The following FHL1 variants were observed in gnomAD, a reference collection of about 807,000 sequenced individuals.
The protein encoded by FHL1 is four and a half LIM domains 1.
In FHL1, 1 loss-of-function variant was observed where a neutral mutation model predicts 20.3. The ratio of observed to expected loss-of-function variants is 0.05; its 90% CI spans 0.02 to 0.23. FHL1 has a LOEUF of 0.23. Ranked by LOEUF, FHL1 falls within the 10% of genes least tolerant of loss-of-function variation. FHL1 has a pLI of 1.00. For synonymous variants in FHL1, 82 were observed against 88.9 expected (o/e 0.92, Z 0.44); for missense variants, 177 against 234.0 (o/e 0.76, Z 1.59).
chrX:136,206,582 C>T lies in FHL1; in HGVS notation c.198C>T (p.Asp66=). Residue 66 remains aspartate, a synonymous_variant, in exon 2 of 6, where the codon GAC becomes GAT. Transcript: ENST00000370683. ...AATGCCGCAAGCCCATCGGTGCGGA[C>T]TCCAAGGTAACGGGCATCCCCATGT... ...CVECRKPIGA[D]SKEVHYKNRF... 2 of 1,212,555 alleles carry T rather than the reference C, an allele frequency of 1.6e-6. No homozygotes were observed. The highest frequency in any genetic ancestry group is 1.7e-5 in the African/African-American group (1 of 58,048).
In FHL1 at chrX:136,186,879, T is replaced by TAG. The variant is rs1459729228; in HGVS notation, c.-27+16900_-27+16901insGA. ...AAAAAAAAAAAAATATATATATATA[T>TAG]ATAGATAGATAGATAGATAGATAGA... is the stretch of plus-strand genomic sequence containing the variant. On this transcript the variant is annotated intron_variant, in intron 2 of 6. Transcript: ENST00000394153. Among the ~76,000 whole-genome samples, 172 of 67,343 alleles carry TAG rather than the reference T, an allele frequency of 2.6e-3. 1 individual carries two copies. The highest frequency in any genetic ancestry group is 9.1e-3 in the African/African-American group (160 of 17,540). The allele number at this position is 67,343 out of a possible 115,157, so 58.5% of individuals were successfully genotyped here. A position where few individuals can be genotyped will look rare whatever the true frequency, so the allele number is the denominator to read the frequency against.
At chrX:136,161,348 T>G (rs180968667) in intron 1 of FHL1, among the ~76,000 whole-genome samples, 204 of 111,845 alleles carry the variant, frequency 1.8e-3, no homozygotes, top group African/African-American at 6.4e-3. Flanking sequence ...AGCCTCAGCA[T>G]GAAAATAATT....
chrX:136,164,468 C>T (rs1416989560), intron 1 of FHL1, among the ~76,000 whole-genome samples: 2 of 111,339 alleles, frequency 1.8e-5, no homozygotes, highest in Non-Finnish European at 3.8e-5. Context: ...CATCACTGCT[C>T]CTTGCCTCTA....
At position 136,210,646 on chromosome X, in the gene FHL1, G is replaced by A. The variant is rs753204844; in HGVS notation, c.*621G>A. On this transcript the variant is annotated 3_prime_UTR_variant, in exon 6 of 6. Coordinates refer to ENST00000370683, the MANE Select transcript of FHL1 (RefSeq NM_001159699.2). ...CCCCGTACTAACGTTTGGTTTCCCC[G>A]TGTGGCATGTTTTCTGAGCGTTCCT... 1.2e-4 allele frequency: 45 copies of A among 388,201 alleles called. No homozygotes were observed. Among genetic ancestry groups the A allele is most frequent in the South Asian group, 2.8e-4 (11 of 38,819 alleles). The allele number at this position is 388,201 out of a possible 1,213,427, so 32.0% of individuals were successfully genotyped here.
At chrX:136,187,961 C>G (rs2073349367) in intron 2 of FHL1, among the ~76,000 whole-genome samples, 1 of 111,887 alleles carries the variant, frequency 8.9e-6, no homozygotes, top group South Asian at 3.8e-4. Flanking sequence ...TCCCAAAGCA[C>G]AGGCATGTAA....
chrX:136,201,905 G>A (rs1207886412), intron 1 of FHL1, among the ~76,000 whole-genome samples: 1 of 112,206 alleles, frequency 8.9e-6, no homozygotes, highest in Admixed American at 9.4e-5. Context: ...TCCCATTCCC[G>A]GATAACAGCA....
chrX:136,189,191 A>G (rs1021670607), intron 2 of FHL1, among the ~76,000 whole-genome samples: 1 of 111,564 alleles, frequency 9.0e-6, no homozygotes, highest in Middle Eastern at 4.2e-3. Flanking sequence ...TGTAGGGAAG[A>G]CCCTCTGCAG....
chrX:136,174,576 C>T (rs999008235), intron 2 of FHL1, among the ~76,000 whole-genome samples: 1 of 111,702 alleles, frequency 9.0e-6, no homozygotes, highest in Non-Finnish European at 1.9e-5. Context: ...ATGTTTAGAA[C>T]ATTCACTTTT....
At chrX:136,171,229 A>G (rs1268382827) in intron 2 of FHL1, among the ~76,000 whole-genome samples, 1 of 110,791 alleles carries the variant, frequency 9.0e-6, no homozygotes, top group Non-Finnish European at 1.9e-5. Context: ...CATAGCCTTT[A>G]CCTATAATGG....
intron 2 of FHL1, 95 bp from the exon 3 acceptor site, chrX:136,206,921 G>A: frequency 4.1e-6 from 4 of 969,063 alleles, no homozygotes; most frequent in Non-Finnish European, 5.9e-6. Context: ...TGTCATCTCA[G>A]TGGTCAGTCC....
intron 1 of FHL1, among the ~76,000 whole-genome samples, chrX:136,204,346 A>G (rs779993894): frequency 1.7e-4 from 19 of 112,261 alleles, no homozygotes; most frequent in Non-Finnish European, 2.6e-4. Context: ...GAATGGATTA[A>G]AGAGAGTGAT....
intron 1 of FHL1, among the ~76,000 whole-genome samples, chrX:136,158,413 C>T (rs1010384859): frequency 4.5e-5 from 5 of 111,781 alleles, no homozygotes; most frequent in African/African-American, 1.6e-4. Flanking sequence ...GCTATTACTT[C>T]GGCATGCGTC....
Position 136,210,496 on chromosome X carries a change from A to G in FHL1, c.*471A>G, listed in dbSNP as rs1035598833. 4.9e-5 allele frequency: 19 copies of G among 389,669 alleles called. No homozygotes were observed. The highest frequency in any genetic ancestry group is 4.4e-4 in the African/African-American group (18 of 40,659). The allele number at this position is 389,669 out of a possible 1,213,427, so 32.1% of individuals were successfully genotyped here. A position where few individuals can be genotyped will look rare whatever the true frequency, so the allele number is the denominator to read the frequency against. ...TGAGCAGGAAAAGAACCCTACTGAC[A>G]TGCATGGTTTAACTTCCTCATCAGA... On this transcript the variant is annotated 3_prime_UTR_variant, in exon 6 of 6. Transcript: ENST00000370683.
intron 2 of FHL1, among the ~76,000 whole-genome samples, chrX:136,175,599 A>G (rs961087420): frequency 8.9e-6 from 1 of 112,927 alleles, no homozygotes; most frequent in Non-Finnish European, 1.9e-5. Context: ...CATTTATTCA[A>G]TAAATAGTTT....
At chrX:136,169,497 A>G, upstream of FHL1, 1 of 205,224 alleles carries the variant, frequency 4.9e-6, no homozygotes, top group Non-Finnish European at 8.7e-6. Context: ...AAAATATTCT[A>G]AAGATGTTAA....
chrX:136,182,717 A>G (rs1312448278), intron 2 of FHL1: 1 of 111,989 alleles, frequency 8.9e-6, no homozygotes, highest in African/African-American at 3.2e-5. Context: ...TGTACTTTCC[A>G]CTTCAGTTCC....
intron 1 of FHL1, among the ~76,000 whole-genome samples, chrX:136,151,409 G>A (rs768357160): frequency 3.6e-5 from 4 of 112,569 alleles, no homozygotes; most frequent in Admixed American, 9.4e-5. Context: ...CACTTTATTC[G>A]TCTCAAAAAT....
upstream of FHL1, among the ~76,000 whole-genome samples, chrX:136,166,360 C>T (rs1240528342): frequency 8.9e-6 from 1 of 112,092 alleles, no homozygotes; most frequent in African/African-American, 3.2e-5. Context: ...AGCTTTGCCT[C>T]CTCAGCCTTT....
At chrX:136,194,176 A>G (rs139777429), upstream of FHL1, among the ~76,000 whole-genome samples, 1 of 112,217 alleles carries the variant, frequency 8.9e-6, no homozygotes, top group Non-Finnish European at 1.9e-5. Context: ...GTAACACTTT[A>G]TACCTTTCTT....
Sources: allele counts gnomAD v4.1 joint callset (sites outside exome capture counted in the v4.1 genomes callset), GRCh38; gene constraint gnomAD v4.1.1; transcripts MANE v1.5; gene names NCBI Gene and HGNC (gene_info 2026-07-23, HGNC 2026-07-21).